The following KIRREL3 variants were observed in gnomAD, a reference collection of about 807,000 sequenced individuals.
The protein encoded by KIRREL3 is kin of IRRE-like protein 3.
A neutral mutation model predicts 89.7 loss-of-function variants in KIRREL3; 36 were observed. The observed-to-expected ratio is 0.40, with a 90% CI of 0.31 to 0.53. The LOEUF (loss-of-function observed/expected upper bound fraction) is 0.53. Ranked by LOEUF, KIRREL3 falls within the 20% of genes least tolerant of loss-of-function variation. The probability of loss-of-function intolerance (pLI) is 0.49; values close to 1 mark genes in which losing one functional copy is unlikely to be tolerated. For missense variants in KIRREL3, 864 were observed against 1,056.6 expected (o/e 0.82, Z 2.53); for synonymous variants, 445 against 441.4 (o/e 1.01, Z -0.10).
At chr11:126,834,491 GA>G (rs1943713802) in intron 1 of KIRREL3, among the ~76,000 whole-genome samples, 1 of 152,192 alleles carries the variant, frequency 6.6e-6, no homozygotes, top group Non-Finnish European at 1.5e-5. Context: ...GCAGGAAAGA[GA>G]AAAAACTGAT....
At position 126,843,501 on chromosome 11, in the gene KIRREL3, G is replaced by C. The variant is rs941469762; in HGVS notation, c.55+156954C>G. Among the ~76,000 whole-genome samples the C allele has an allele frequency of 2.6e-5, 4 of 152,134 alleles. No homozygotes were observed. In the South Asian group the frequency reaches 8.3e-4, roughly 32 times the overall value. ...GTGATCTGCCCAGTCTCGTCCCACA[G>C]AGACTTCCAGCCTAGTCAGCTATGC... On this transcript the variant is annotated intron_variant, in intron 1 of 16. Coordinates refer to ENST00000525144, the MANE Select transcript of KIRREL3 (RefSeq NM_032531.4). The surrounding 1 kb of genome is among the most constrained non-coding windows in gnomAD (Gnocchi z 4.6).
Position 126,993,373 on chromosome 11 carries a change from T to A in KIRREL3, c.55+7082A>T, listed in dbSNP as rs1260140109. Among the ~76,000 whole-genome samples the A allele has an allele frequency of 6.6e-6, 1 of 152,220 alleles. No individual in the cohort carries two copies. Among genetic ancestry groups the A allele is most frequent in the Non-Finnish European group, 1.5e-5 (1 of 68,042 alleles). ...GGCTTCTGAACATATCGCATTCTGTTCTGCCTTTTGTATTTGCATACACTG... is the reference window on the plus strand; with the variant it reads ...GGCTTCTGAACATATCGCATTCTGTACTGCCTTTTGTATTTGCATACACTG... On this transcript the variant is annotated intron_variant, in intron 1 of 16. Coordinates refer to ENST00000525144, the MANE Select transcript of KIRREL3 (RefSeq NM_032531.4). The surrounding 1 kb of genome is among the most constrained non-coding windows in gnomAD (Gnocchi z 6.1).
At position 126,523,396 on chromosome 11, in the gene KIRREL3, C is replaced by G. The variant is rs917842154; in HGVS notation, c.284-1932G>C. On this transcript the variant is annotated intron_variant, in intron 3 of 16. Transcript: ENST00000525144. The surrounding 1 kb of genome is among the most constrained non-coding windows in gnomAD (Gnocchi z 4.9). ...CCACCAGCACTTGTTCCTGGTCAGG[C>G]GAGGTAGCTGTGATGATCCTCTGCC... is the stretch of plus-strand genomic sequence containing the variant. Among the ~76,000 whole-genome samples the G allele has an allele frequency of 6.6e-6, 1 of 152,118 alleles. No individual in the cohort carries two copies. The highest frequency in any genetic ancestry group is 6.5e-5 in the Admixed American group (1 of 15,270).
chr11:126,874,573 C>T (rs145443929), intron 1 of KIRREL3, among the ~76,000 whole-genome samples: 10 of 152,264 alleles, frequency 6.6e-5, no homozygotes, highest in South Asian at 4.2e-4. Context: ...CTCAACTGGA[C>T]GCTTTATTTT....
In KIRREL3 at chr11:126,990,194, G is replaced by T. The variant is rs576199329; in HGVS notation, c.55+10261C>A. ...ACAGGAGAGAAACATCATCCCTGTG[G>T]CAGGGAAACCCGTGTGGTGGGCTGA... is the stretch of plus-strand genomic sequence containing the variant. On this transcript the variant is annotated intron_variant, in intron 1 of 16. Coordinates refer to ENST00000525144, the MANE Select transcript of KIRREL3 (RefSeq NM_032531.4). This position sits in a 1 kb window ranked among gnomAD's most constrained non-coding sequence, Gnocchi z 6.3. Among the ~76,000 whole-genome samples, 2 of 152,246 alleles carry T rather than the reference G, an allele frequency of 1.3e-5. No homozygotes were observed. The highest frequency in any genetic ancestry group is 1.9e-4 in the East Asian group (1 of 5,144).
In KIRREL3 at chr11:126,772,058, C is replaced by T. The variant is rs1274583768; in HGVS notation, c.56-209146G>A. 6.6e-6 allele frequency among the ~76,000 whole-genome samples: 1 copy of T among 152,212 alleles called. No individual in the cohort carries two copies. The highest frequency in any genetic ancestry group is 1.5e-5 in the Non-Finnish European group (1 of 68,040). ...ACCATGACCTTTCCACCTGTCAGAG[C>T]TCTAAAGCACTAAGAGGTGCCAGCT... On this transcript the variant is annotated intron_variant, in intron 1 of 16. Transcript: ENST00000525144. The surrounding 1 kb of genome is among the most constrained non-coding windows in gnomAD (Gnocchi z 4.6).
chr11:126,604,015 C>T (rs1565585783), intron 1 of KIRREL3, among the ~76,000 whole-genome samples: 1 of 152,202 alleles, frequency 6.6e-6, no homozygotes, highest in Non-Finnish European at 1.5e-5. Flanking sequence ...GTTATCCATT[C>T]ACTTTTCAGT....
chr11:126,649,041 TG>T (rs1339086298), intron 1 of KIRREL3, among the ~76,000 whole-genome samples: 2 of 152,172 alleles, frequency 1.3e-5, no homozygotes, highest in Non-Finnish European at 1.5e-5. Context: ...ACTTCTTAAA[TG>T]GAGATGGCAA....
intron 1 of KIRREL3, among the ~76,000 whole-genome samples, chr11:126,945,760 A>G (rs1359204923): frequency 6.6e-6 from 1 of 152,162 alleles, no homozygotes; most frequent in Non-Finnish European, 1.5e-5. Context: ...CCTAACGTTG[A>G]CAACAATAAG....
In KIRREL3 at chr11:126,484,919, G is replaced by A. The variant is rs976691816; in HGVS notation, c.434-11453C>T. On this transcript the variant is annotated intron_variant, in intron 4 of 16. Coordinates refer to ENST00000525144, the MANE Select transcript of KIRREL3 (RefSeq NM_032531.4). This position sits in a 1 kb window ranked among gnomAD's most constrained non-coding sequence, Gnocchi z 5.2. Reference sequence around the variant, plus strand: ...CAGCCTCCGCCTCCCAGGTTCAAGCGATTCTCCTGCCTCAGCCTTTTAAAT... The same window carrying A: ...CAGCCTCCGCCTCCCAGGTTCAAGCAATTCTCCTGCCTCAGCCTTTTAAAT... Among the ~76,000 whole-genome samples the A allele has an allele frequency of 6.6e-6, 1 of 151,722 alleles. No individual in the cohort carries two copies. The highest frequency in any genetic ancestry group is 2.4e-5 in the African/African-American group (1 of 41,282).
At chr11:126,671,445 T>A (rs150550801) in intron 1 of KIRREL3, among the ~76,000 whole-genome samples, 12 of 152,112 alleles carry the variant, frequency 7.9e-5, no homozygotes, top group Non-Finnish European at 1.8e-4. Context: ...TTATTAAAAT[T>A]AAAAACTTTT....
rs749050356 is a variant in KIRREL3 at position 126,526,604 on chromosome 11, C to T, written c.217G>A (p.Glu73Lys). 48 of 1,609,186 alleles carry T rather than the reference C, an allele frequency of 3.0e-5. No homozygotes were observed. Among genetic ancestry groups the T allele is most frequent in the East Asian group, 2.0e-4 (9 of 44,680 alleles). ...ATCCACAGAACGAAGCCATCGTATT[C>T]GGGGATGGCGCAAAGTAGCGTCACT... ...QPVTLLCAIP[E>K]YDGFVLWIKD... Residue 73 changes from glutamate to lysine, a missense_variant, in exon 3 of 17, where the codon GAA (glutamate) becomes AAA (lysine). Transcript: ENST00000525144. This position sits in a 1 kb window ranked among gnomAD's most constrained non-coding sequence, Gnocchi z 5.7.
chr11:126,728,551 A>G (rs1948484789), intron 1 of KIRREL3, among the ~76,000 whole-genome samples: 2 of 152,210 alleles, frequency 1.3e-5, no homozygotes, highest in Non-Finnish European at 2.9e-5. Context: ...CCTGAGTGAG[A>G]TGATGTTGGT....
intron 1 of KIRREL3, chr11:126,944,423 C>T (rs1397277463): frequency 6.6e-6 from 1 of 152,200 alleles, no homozygotes; most frequent in Non-Finnish European, 1.5e-5. Flanking sequence ...TTTGTCCAGG[C>T]CTCACTGTGA....
intron 1 of KIRREL3, among the ~76,000 whole-genome samples, chr11:126,958,325 C>T (rs1246070611): frequency 6.6e-6 from 1 of 152,208 alleles, no homozygotes; most frequent in Non-Finnish European, 1.5e-5. Flanking sequence ...CATAGAATTA[C>T]CCTCTTTCTG....
Position 126,551,184 on chromosome 11 carries a change from T to C in KIRREL3, c.133+11651A>G, listed in dbSNP as rs1169271640. Among the ~76,000 whole-genome samples the C allele has an allele frequency of 6.6e-6, 1 of 152,178 alleles. No homozygotes were observed. The highest frequency in any genetic ancestry group is 2.4e-5 in the African/African-American group (1 of 41,448). Reference sequence around the variant, plus strand: ...GAGTGCGCCACCCTCCAGGAAGCTTTACATGCTCAGCTGCCCAGAAGCTCC... The same window carrying C: ...GAGTGCGCCACCCTCCAGGAAGCTTCACATGCTCAGCTGCCCAGAAGCTCC... On this transcript the variant is annotated intron_variant, in intron 2 of 16. Transcript: ENST00000525144. This position sits in a 1 kb window ranked among gnomAD's most constrained non-coding sequence, Gnocchi z 4.9.
chr11:126,547,896 T>A (rs1240243198), intron 2 of KIRREL3, among the ~76,000 whole-genome samples: 1 of 152,206 alleles, frequency 6.6e-6, no homozygotes, highest in Non-Finnish European at 1.5e-5. Flanking sequence ...GCTTTGGCGT[T>A]CAGCTGGCTT....
chr11:126,849,891 A>G (rs899627175), intron 1 of KIRREL3, among the ~76,000 whole-genome samples: 4 of 152,058 alleles, frequency 2.6e-5, no homozygotes, highest in African/African-American at 9.7e-5. Flanking sequence ...CTGACAGAAT[A>G]CCAGCAGCCT....
chr11:127,002,332 A>G (rs1950329689), upstream of KIRREL3, among the ~76,000 whole-genome samples: 1 of 152,238 alleles, frequency 6.6e-6, no homozygotes, highest in Non-Finnish European at 1.5e-5. Flanking sequence ...ATTTGTAAGC[A>G]AACTTTGGGA....
Sources: allele counts gnomAD v4.1 joint callset (sites outside exome capture counted in the v4.1 genomes callset), GRCh38; gene constraint gnomAD v4.1.1; non-coding constraint Gnocchi (gnomAD v3.1); transcripts MANE v1.5; gene names NCBI Gene and HGNC (gene_info 2026-07-23, HGNC 2026-07-21).